The following HSPA4 variants were observed in gnomAD, a reference collection of about 807,000 sequenced individuals.
HSPA4 encodes heat shock protein family A (Hsp70) member 4.
Under a neutral mutation model 106.2 loss-of-function variants are expected in HSPA4, and 25 were observed. The observed-to-expected ratio is 0.24, with a 90% confidence interval of 0.17 to 0.33. The LOEUF (loss-of-function observed/expected upper bound fraction) is 0.33, where lower values mean the gene tolerates loss of function less well. Among genes scored for constraint, HSPA4 ranks in the 10% least tolerant of loss-of-function variants. HSPA4 has a pLI of 1.00. For missense variants in HSPA4, 841 were observed against 996.0 expected, an observed-to-expected ratio of 0.84 and a Z score of 2.10; for synonymous variants, 332 against 333.6, an observed-to-expected ratio of 1.00 and a Z score of 0.05.
chr5:133,086,971 C>A, intron 8 of HSPA4, 113 bp downstream of exon 8: 1 of 763,634 alleles, frequency 1.3e-6, no homozygotes, highest in Non-Finnish European at 2.2e-6. Flanking sequence ...TGAACTAATT[C>A]AGTGGTATAT....
At chr5:133,074,637 T>G (rs949827224) in intron 6 of HSPA4, among the ~76,000 whole-genome samples, 1 of 152,182 alleles carries the variant, frequency 6.6e-6, no homozygotes, top group Non-Finnish European at 1.5e-5. Context: ...GAGAGGGTGG[T>G]ACAGGTGCTC....
In HSPA4 at chr5:133,104,297, A is replaced by T. The variant is rs1765827137; in HGVS notation, c.2384A>T (p.Glu795Val). 6.2e-7 allele frequency: 1 copy of T among 1,614,180 alleles called. No individual in the cohort carries two copies. ...AAACCCAAAGTGGAACCTCCAAAAG[A>T]GGAACAAAAAAATGCAGAGCAGAAT... The part of the protein sequence containing the change: ...KPKPKVEPPK[E>V]EQKNAEQNGP... Residue 795 changes from glutamate (E) to valine (V), a missense_variant, in exon 19 of 19, where the codon GAG becomes GTG. Transcript: ENST00000304858.
intron 7 of HSPA4, among the ~76,000 whole-genome samples, chr5:133,077,933 T>A (rs1218637325): frequency 6.6e-6 from 1 of 152,176 alleles, no homozygotes; most frequent in African/African-American, 2.4e-5. Context: ...AGCCAGTATG[T>A]TTAAGAAATT....
At chr5:133,070,137 A>G (rs1373103984) in intron 3 of HSPA4, among the ~76,000 whole-genome samples, 1 of 152,016 alleles carries the variant, frequency 6.6e-6, no homozygotes, top group Non-Finnish European at 1.5e-5. Context: ...ACGGCGCTCC[A>G]GAGAGAGAGA....
chr5:133,058,321 C>T (rs1765193134), intron 1 of HSPA4, among the ~76,000 whole-genome samples: 1 of 152,032 alleles, frequency 6.6e-6, no homozygotes, highest in Non-Finnish European at 1.5e-5. Flanking sequence ...ATCAAGGCTG[C>T]AGTGAGCCGT....
At chr5:133,072,005 C>T (rs1765387982) in intron 4 of HSPA4, among the ~76,000 whole-genome samples, 1 of 152,128 alleles carries the variant, frequency 6.6e-6, no homozygotes, top group Non-Finnish European at 1.5e-5. Flanking sequence ...GTGCCCCTAG[C>T]TTTGATCCTG....
At chr5:133,070,046 G>A (rs1262251109) in intron 3 of HSPA4, among the ~76,000 whole-genome samples, 1 of 151,838 alleles carries the variant, frequency 6.6e-6, no homozygotes, top group Non-Finnish European at 1.5e-5. Context: ...ATGTGCTTTT[G>A]CTCCCCGCTA....
At chr5:133,059,218 CG>C (rs745788538) in intron 1 of HSPA4, among the ~76,000 whole-genome samples, 49 of 148,834 alleles carry the variant, frequency 3.3e-4, no homozygotes, top group Non-Finnish European at 1.5e-5. Flanking sequence ...GAGGCCAAGG[CG>C]GGCGGTTCGC....
chr5:133,105,247 G>C lies in HSPA4; in HGVS notation c.*811G>C, dbSNP rs1293004975. On this transcript the variant is annotated 3_prime_UTR_variant, in exon 19 of 19. Transcript: ENST00000304858. ...CTTGTTAATTTTGGTGTAAAGATTT[G>C]TATCCTGGCCTGTTTATTCAGGTGG... 1 of 152,196 alleles carries C rather than the reference G, an allele frequency of 6.6e-6. No individual in the cohort carries two copies. The highest frequency in any genetic ancestry group is 1.5e-5 in the Non-Finnish European group (1 of 68,044). 9.4% of individuals were successfully genotyped at this position (152,196 alleles called of 1,614,324 possible).
chr5:133,098,213 C>G (rs993347312), intron 15 of HSPA4, among the ~76,000 whole-genome samples: 2 of 152,204 alleles, frequency 1.3e-5, no homozygotes, highest in Non-Finnish European at 2.9e-5. Flanking sequence ...GCCTCCAGCT[C>G]CATCCAGTTG....
intron 7 of HSPA4, among the ~76,000 whole-genome samples, chr5:133,084,840 A>G (rs1235340643): frequency 6.6e-6 from 1 of 151,642 alleles, no homozygotes; most frequent in African/African-American, 2.4e-5. Flanking sequence ...GAGAAAGGAT[A>G]CCTATTGCCC....
In HSPA4 at chr5:133,090,176, T is replaced by C. The variant is rs984165359; in HGVS notation, c.1378+481T>C. Among the ~76,000 whole-genome samples the C allele has an allele frequency of 4.6e-5, 7 of 152,154 alleles. 2 individuals are homozygous for C. The highest frequency in any genetic ancestry group is 6.5e-5 in the Admixed American group (1 of 15,280). Reference sequence around the variant, plus strand: ...ATAGCCAGGTGCGGTGGCTCACGCCTGTAATCCCAGCACTTTGGGAGGCCA... The same window carrying C: ...ATAGCCAGGTGCGGTGGCTCACGCCCGTAATCCCAGCACTTTGGGAGGCCA... On this transcript the variant is annotated intron_variant, in intron 11 of 18. Coordinates refer to ENST00000304858, the MANE Select transcript of HSPA4 (RefSeq NM_002154.4).
At chr5:133,060,349 C>G (rs997512496) in intron 1 of HSPA4, among the ~76,000 whole-genome samples, 1 of 151,442 alleles carries the variant, frequency 6.6e-6, no homozygotes, top group African/African-American at 2.4e-5. Flanking sequence ...TTTCAAAATC[C>G]TTCAATTTGT....
intron 1 of HSPA4, among the ~76,000 whole-genome samples, chr5:133,057,059 T>C (rs770520135): frequency 6.6e-6 from 1 of 152,210 alleles, no homozygotes; most frequent in Admixed American, 6.5e-5. Flanking sequence ...CTGTGTACTT[T>C]TAAAGTGCAA....
chr5:133,093,396 A>G (rs1276783088), intron 13 of HSPA4, among the ~76,000 whole-genome samples: 1 of 152,186 alleles, frequency 6.6e-6, no homozygotes, highest in African/African-American at 2.4e-5. Context: ...GGCTTATACT[A>G]AGTCTTTCTA....
intron 16 of HSPA4, among the ~76,000 whole-genome samples, chr5:133,100,653 C>T (rs1223722024): frequency 1.3e-5 from 2 of 152,136 alleles, no homozygotes; most frequent in Admixed American, 6.5e-5. Context: ...AGCGTGGTGG[C>T]GGGTGCCTGT....
intron 2 of HSPA4, among the ~76,000 whole-genome samples, chr5:133,065,334 A>G (rs1342312211): frequency 6.6e-6 from 1 of 152,248 alleles, no homozygotes; most frequent in Non-Finnish European, 1.5e-5. Flanking sequence ...TAGCATTTAC[A>G]TTGTATTAGG....
At chr5:133,065,417 ATTT>A in intron 2 of HSPA4, among the ~76,000 whole-genome samples, 1 of 152,218 alleles carries the variant, frequency 6.6e-6, no homozygotes, top group African/African-American at 2.4e-5. Flanking sequence ...ATACTATGTC[ATTT>A]TGTCTAAGGG....
At chr5:133,080,897 T>C (rs1468398348) in intron 7 of HSPA4, among the ~76,000 whole-genome samples, 1 of 152,192 alleles carries the variant, frequency 6.6e-6, no homozygotes, top group Admixed American at 6.6e-5. Flanking sequence ...TTTTAAAGTG[T>C]ACAATTCCAG....
Sources: allele counts gnomAD v4.1 joint callset (sites outside exome capture counted in the v4.1 genomes callset), GRCh38; gene constraint gnomAD v4.1.1; transcripts MANE v1.5; gene names NCBI Gene and HGNC (gene_info 2026-07-23, HGNC 2026-07-21).